Variants in NLGN1 observed in about 807,000 individuals in gnomAD.
NLGN1 encodes neuroligin 1.
Under a neutral mutation model 65.5 loss-of-function variants are expected in NLGN1, and 12 were observed. The observed-to-expected ratio is 0.18, with a 90% CI of 0.12 to 0.30. The LOEUF (loss-of-function observed/expected upper bound fraction) is 0.30. Ranked by LOEUF, NLGN1 falls within the 10% of genes least tolerant of loss-of-function variation. The probability of loss-of-function intolerance (pLI) is 1.00; values close to 1 mark genes in which losing one functional copy is unlikely to be tolerated. For missense variants in NLGN1, 750 were observed against 1,007.1 expected (o/e 0.74, Z 3.46); for synonymous variants, 350 against 359.5 (o/e 0.97, Z 0.30).
chr3:173,880,575 A>AAT (rs1044080065), intron 4 of NLGN1, among the ~76,000 whole-genome samples: 12 of 150,922 alleles, frequency 8.0e-5, no homozygotes, highest in South Asian at 4.2e-4. Flanking sequence ...TATGTTTAAA[A>AAT]ATATATATAT....
chr3:173,614,869 C>T (rs768414859), intron 3 of NLGN1, among the ~76,000 whole-genome samples: 2 of 152,138 alleles, frequency 1.3e-5, no homozygotes, highest in Non-Finnish European at 2.9e-5. Flanking sequence ...GCTTCTGTTG[C>T]CTTATTAAAA....
intron 4 of NLGN1, among the ~76,000 whole-genome samples, chr3:174,211,255 G>A (rs995022011): frequency 6.6e-6 from 1 of 152,120 alleles, no homozygotes; most frequent in Non-Finnish European, 1.5e-5. Context: ...CTGGCAGCCT[G>A]CTTTTATTCT....
At chr3:173,895,147 A>G (rs1236557223) in intron 4 of NLGN1, among the ~76,000 whole-genome samples, 1 of 152,106 alleles carries the variant, frequency 6.6e-6, no homozygotes, top group Non-Finnish European at 1.5e-5. Flanking sequence ...CCCAGCTTCT[A>G]GAGGCCTCCC....
At chr3:173,444,106 G>A (rs1244454919) in intron 2 of NLGN1, among the ~76,000 whole-genome samples, 1 of 152,102 alleles carries the variant, frequency 6.6e-6, no homozygotes, top group Non-Finnish European at 1.5e-5. Flanking sequence ...TTCTAAAAAG[G>A]CAATATCACT....
chr3:173,405,216 C>A (rs1028481599), intron 1 of NLGN1, among the ~76,000 whole-genome samples: 2 of 152,010 alleles, frequency 1.3e-5, no homozygotes, highest in African/African-American at 2.4e-5. Context: ...GCAGCTGATA[C>A]CTTCTGAATG....
chr3:173,507,916 T>G (rs905656589), intron 2 of NLGN1, among the ~76,000 whole-genome samples: 7 of 152,186 alleles, frequency 4.6e-5, no homozygotes, highest in African/African-American at 1.4e-4. Context: ...ATTTATTTAG[T>G]TACAGCGCAG....
intron 2 of NLGN1, among the ~76,000 whole-genome samples, chr3:173,515,558 T>C (rs1380691964): frequency 6.6e-6 from 1 of 152,082 alleles, no homozygotes; most frequent in Non-Finnish European, 1.5e-5. Context: ...ATCAAATCAT[T>C]GCTAAAACCA....
chr3:173,602,158 A>G (rs1005014199), intron 2 of NLGN1, among the ~76,000 whole-genome samples: 6 of 152,056 alleles, frequency 3.9e-5, no homozygotes, highest in African/African-American at 1.4e-4. Flanking sequence ...TGTTGAATCC[A>G]CTTCATAGGG....
At chr3:173,773,276 G>A (rs1233516630) in intron 3 of NLGN1, among the ~76,000 whole-genome samples, 1 of 152,050 alleles carries the variant, frequency 6.6e-6, no homozygotes, top group Non-Finnish European at 1.5e-5. Flanking sequence ...TGTGGGGAGG[G>A]GAAGGAATGT....
At chr3:174,014,353 G>A (rs191864290) in intron 4 of NLGN1, among the ~76,000 whole-genome samples, 13 of 152,040 alleles carry the variant, frequency 8.6e-5, no homozygotes, top group South Asian at 8.3e-4. Context: ...TTGTGCCAAC[G>A]TGCCTTTTCA....
intron 4 of NLGN1, among the ~76,000 whole-genome samples, chr3:173,965,129 C>T (rs1021857692): frequency 2.0e-5 from 3 of 151,946 alleles, no homozygotes; most frequent in African/African-American, 7.3e-5. Context: ...TCACTGTATC[C>T]TTTCCTACCC....
At chr3:173,999,991 G>T (rs1722972516) in intron 4 of NLGN1, among the ~76,000 whole-genome samples, 1 of 151,474 alleles carries the variant, frequency 6.6e-6, no homozygotes, top group South Asian at 2.1e-4. Context: ...GGTATAACTA[G>T]ATCTTGCAAA....
At position 174,220,566 on chromosome 3, in the gene NLGN1, G is replaced by A. The variant is rs914443631; in HGVS notation, c.647-54749G>A. Among the ~76,000 whole-genome samples the A allele has an allele frequency of 1.8e-4, 28 of 152,182 alleles. 1 individual carries two copies. Among genetic ancestry groups the A allele is most frequent in the Admixed American group, 1.4e-3 (21 of 15,276 alleles). On this transcript the variant is annotated intron_variant, in intron 4 of 6. Coordinates refer to ENST00000457714, the Ensembl canonical transcript of NLGN1. ...TATTTCAAAAATAATAATGAATTGG[G>A]CATGTGAAAATTACCTTACATATTT... is the stretch of plus-strand genomic sequence containing the variant.
At chr3:174,061,996 T>G (rs1737516702) in intron 4 of NLGN1, among the ~76,000 whole-genome samples, 1 of 152,162 alleles carries the variant, frequency 6.6e-6, no homozygotes, top group African/African-American at 2.4e-5. Flanking sequence ...GGAAGCCTAG[T>G]TATTCCACAA....
intron 4 of NLGN1, among the ~76,000 whole-genome samples, chr3:174,051,317 G>C (rs1734811956): frequency 6.6e-6 from 1 of 152,042 alleles, no homozygotes; most frequent in Non-Finnish European, 1.5e-5. Context: ...GTTTAAGAGA[G>C]AGGCCAAGTG....
intron 2 of NLGN1, among the ~76,000 whole-genome samples, chr3:173,523,990 G>A (rs1385067661): frequency 2.1e-5 from 3 of 144,722 alleles, no homozygotes; most frequent in Admixed American, 7.0e-5. Context: ...GCACGATCTC[G>A]GCTCACTGCA....
chr3:173,438,475 C>T (rs1028302501), intron 2 of NLGN1, among the ~76,000 whole-genome samples: 1 of 152,048 alleles, frequency 6.6e-6, no homozygotes, highest in Admixed American at 6.5e-5. Flanking sequence ...TCCCTGGATC[C>T]TGGGCTCACA....
chr3:174,268,737 G>A lies in NLGN1; in HGVS notation c.647-6578G>A, dbSNP rs569461909. Among the ~76,000 whole-genome samples the A allele has an allele frequency of 1.6e-3, 244 of 152,064 alleles. 1 individual carries two copies. The highest frequency in any genetic ancestry group is 3.4e-3 in the Middle Eastern group (1 of 294). On this transcript the variant is annotated intron_variant, in intron 4 of 6. Coordinates refer to ENST00000457714, the Ensembl canonical transcript of NLGN1. The stretch of plus-strand genomic sequence containing the variant: ...ATAGCTATAGGTGTTTTCTTTCCAG[G>A]CATCTATTTACAGTCATCTTCTTCT...
At chr3:173,954,088 G>C (rs1748725457) in intron 4 of NLGN1, among the ~76,000 whole-genome samples, 1 of 151,892 alleles carries the variant, frequency 6.6e-6, no homozygotes, top group East Asian at 1.9e-4. Context: ...TGTAAAATCA[G>C]TAAAAATGTA....
Sources: gnomAD v4.1 joint callset for allele counts (sites outside exome capture counted in the v4.1 genomes callset) on GRCh38, gnomAD v4.1.1 for gene constraint, MANE v1.5 for transcripts, NCBI Gene and HGNC (gene_info 2026-07-23, HGNC 2026-07-21) for gene names.